Variants in ZFYVE9 observed in about 807,000 individuals in gnomAD.
ZFYVE9 encodes the protein zinc finger FYVE domain-containing protein 9.
Under a neutral mutation model 126.7 loss-of-function variants are expected in ZFYVE9, and 43 were observed. That is an observed-to-expected ratio of 0.34 (90% CI 0.27 to 0.44). The LOEUF is 0.44. Ranked by LOEUF, ZFYVE9 falls within the 20% of genes least tolerant of loss-of-function variation. ZFYVE9 has a pLI of 1.00. For missense variants in ZFYVE9, 1,476 were observed against 1,697.0 expected (o/e 0.87, Z 2.29); for synonymous variants, 521 against 597.4 (o/e 0.87, Z 1.87).
intron 3 of ZFYVE9, among the ~76,000 whole-genome samples, chr1:52,237,120 T>G (rs1645280000): frequency 1.3e-5 from 2 of 152,156 alleles, no homozygotes; most frequent in Admixed American, 1.3e-4. Context: ...GCTTAATTAG[T>G]TATCCTAGCC....
At chr1:52,345,772 TA>T in intron 18 of ZFYVE9, 1 of 257,558 alleles carries the variant, frequency 3.9e-6, no homozygotes. Context: ...ATTAAGGTAT[TA>T]TTTCTGATAC....
At chr1:52,164,868 A>G (rs669404) in intron 1 of ZFYVE9, among the ~76,000 whole-genome samples, 88 of 152,332 alleles carry the variant, frequency 5.8e-4, no homozygotes, top group African/African-American at 2.1e-3. Context: ...TCTTAGCAGT[A>G]AAATAATATG....
intron 12 of ZFYVE9, among the ~76,000 whole-genome samples, chr1:52,297,718 A>C (rs1346189020): frequency 1.5e-5 from 2 of 137,000 alleles, no homozygotes; most frequent in African/African-American, 6.2e-5. Flanking sequence ...TTCTTTAAAA[A>C]ATTTTGTTTT....
chr1:52,253,433 AC>A (rs1288387292), intron 4 of ZFYVE9, among the ~76,000 whole-genome samples: 1 of 152,216 alleles, frequency 6.6e-6, no homozygotes, highest in Non-Finnish European at 1.5e-5. Flanking sequence ...TGCCTATATA[AC>A]AAAAAATAGA....
Position 52,272,673 on chromosome 1 carries a change from C to CTTTTT in ZFYVE9, c.2626-1775_2626-1771dup, listed in dbSNP as rs58857376. Among the ~76,000 whole-genome samples the CTTTTT allele has an allele frequency of 3.5e-4, 43 of 121,204 alleles. 2 individuals carry two copies. The highest frequency in any genetic ancestry group is 1.3e-3 in the African/African-American group (37 of 29,548). The allele number at this position is 121,204 out of a possible 152,430, so 79.5% of individuals were successfully genotyped here. A position where few individuals can be genotyped will look rare whatever the true frequency, so the allele number is the denominator to read the frequency against. ...ATGAAATGAAGCTGCTAGAAATAAT[C>CTTTTT]TTTTTTTTTTTTTTTTTTTTGAGTC... On this transcript the variant is annotated intron_variant, in intron 7 of 18. Coordinates refer to ENST00000287727, the MANE Select transcript of ZFYVE9 (RefSeq NM_004799.4).
chr1:52,249,455 GTC>G (rs1645422639), intron 4 of ZFYVE9, among the ~76,000 whole-genome samples: 1 of 152,128 alleles, frequency 6.6e-6, no homozygotes, highest in African/African-American at 2.4e-5. Context: ...TTGGAGAAAT[GTC>G]TATTCAGGTC....
chr1:52,147,885 T>C (rs72665076), intron 1 of ZFYVE9, among the ~76,000 whole-genome samples: 7,150 of 152,224 alleles, frequency 0.047, 233 homozygotes, highest in Non-Finnish European at 0.071. Flanking sequence ...GTTATCTGTT[T>C]TTTTGATTAT....
chr1:52,274,693 C>A, intron 8 of ZFYVE9, 109 bp downstream of exon 8: 1 of 1,206,598 alleles, frequency 8.3e-7, no homozygotes, highest in Non-Finnish European at 1.1e-6. Context: ...TCTTATCCAA[C>A]AAAACAAACT....
chr1:52,186,199 C>T (rs958805782), intron 1 of ZFYVE9, among the ~76,000 whole-genome samples: 5 of 150,224 alleles, frequency 3.3e-5, no homozygotes, highest in Non-Finnish European at 7.4e-5. Context: ...AAGATCATGC[C>T]ACTGCACTCC....
At chr1:52,197,137 T>C (rs938071490) in intron 1 of ZFYVE9, among the ~76,000 whole-genome samples, 1 of 152,094 alleles carries the variant, frequency 6.6e-6, no homozygotes, top group African/African-American at 2.4e-5. Flanking sequence ...GTAATCCAGA[T>C]GTGAGATAAT....
At chr1:52,168,081 G>A (rs372753926) in intron 1 of ZFYVE9, among the ~76,000 whole-genome samples, 1 of 151,990 alleles carries the variant, frequency 6.6e-6, no homozygotes, top group Admixed American at 6.6e-5. Context: ...AGTTAGGAGG[G>A]ACTGCTTTCA....
intron 4 of ZFYVE9, among the ~76,000 whole-genome samples, chr1:52,257,714 T>C (rs1319741646): frequency 6.6e-6 from 1 of 152,232 alleles, no homozygotes; most frequent in South Asian, 2.1e-4. Context: ...TGTTTCTCCA[T>C]TCATACATTT....
chr1:52,302,245 G>T (rs1171718082), intron 12 of ZFYVE9, among the ~76,000 whole-genome samples: 1 of 152,012 alleles, frequency 6.6e-6, no homozygotes, highest in Non-Finnish European at 1.5e-5. Context: ...TTGGGTGCTG[G>T]TTATCAATAT....
In ZFYVE9 at chr1:52,274,330, T is replaced by A; in HGVS notation, c.2626-134T>A. The A allele has an allele frequency of 2.7e-6, 3 of 1,106,728 alleles. No homozygotes were observed. The South Asian group carries it at 5.6e-5, about 21-fold the overall frequency. The allele number at this position is 1,106,728 out of a possible 1,614,324, so 68.6% of individuals were successfully genotyped here. ...TTGTTTTTTTTAATCCATGGGTTAA[T>A]GAATATTTTGTGCTACCTTTCAAAA... On this transcript the variant is annotated intron_variant, in intron 7 of 18. Transcript: ENST00000287727.
At position 52,238,217 on chromosome 1, in the gene ZFYVE9, A is replaced by G. The variant is rs1328458690; in HGVS notation, c.800A>G (p.Asp267Gly). Residue 267 changes from aspartate (D) to glycine (G), a missense_variant, in exon 4 of 19, where the codon GAT (aspartate) becomes GGT (glycine). Around this residue, in one of 2 missense-constraint regions of ZFYVE9, gnomAD observed 807 missense variants for 794.6 expected, o/e 1.02. Coordinates refer to ENST00000287727, the MANE Select transcript of ZFYVE9 (RefSeq NM_004799.4). ...SMSAITSLTV[D>G]SVISSQGTDG... ...TCTGCGATTACAAGTTTAACGGTTGATTCAGTAATCTCATCCCAGGGAACA... is the reference window on the plus strand; with the variant it reads ...TCTGCGATTACAAGTTTAACGGTTGGTTCAGTAATCTCATCCCAGGGAACA... 5 of 1,614,076 alleles carry G rather than the reference A, an allele frequency of 3.1e-6. No homozygotes were observed. The East Asian group carries it at 1.1e-4, about 36-fold the overall frequency.
intron 7 of ZFYVE9, among the ~76,000 whole-genome samples, chr1:52,269,449 A>T (rs1218013698): frequency 6.6e-6 from 1 of 151,980 alleles, no homozygotes; most frequent in East Asian, 1.9e-4. Flanking sequence ...TAAAAATTTT[A>T]CTCCTGATGT....
rs1644447802 is a variant in ZFYVE9 at position 52,160,540 on chromosome 1, A to G, written c.-143+18137A>G. 17 of 772,620 alleles carry G rather than the reference A, an allele frequency of 2.2e-5. No homozygotes were observed. In the South Asian group the frequency reaches 2.3e-4, roughly 11 times the overall value. 47.9% of individuals were successfully genotyped at this position (772,620 alleles called of 1,614,324 possible). ...CCACGCTGATGCCCCAGCCCTTGTG[A>G]CACGCCTCAAGTGCTGCTCTCATGA... On this transcript the variant is annotated intron_variant, in intron 1 of 18. Transcript: ENST00000287727.
intron 2 of ZFYVE9, among the ~76,000 whole-genome samples, chr1:52,223,584 T>C (rs1645143921): frequency 1.3e-5 from 2 of 152,250 alleles, no homozygotes; most frequent in African/African-American, 4.8e-5. Flanking sequence ...TTAACATTCC[T>C]TGTCCCAGTG....
rs1202422595 is a variant in ZFYVE9 at position 52,339,813 on chromosome 1, GA to G, written c.3834-311del. Among the ~76,000 whole-genome samples the G allele has an allele frequency of 2.0e-5, 3 of 152,326 alleles. No homozygotes were observed. The East Asian group carries it at 5.8e-4, about 29-fold the overall frequency. ...GTGGGTGACCATGCATTCACTGAAA[GA>G]AGGGATACTGGAAGAAGAGCAGGTT... On this transcript the variant is annotated intron_variant, in intron 16 of 18. Coordinates refer to ENST00000287727, the MANE Select transcript of ZFYVE9 (RefSeq NM_004799.4).
Sources: gnomAD v4.1 joint callset for allele counts (sites outside exome capture counted in the v4.1 genomes callset) on GRCh38, gnomAD v4.1.1 for gene constraint, gnomAD v4.1.1 regional missense constraint, MANE v1.5 for transcripts, NCBI Gene and HGNC (gene_info 2026-07-23, HGNC 2026-07-21) for gene names.